Variants in TAS2R1 observed in about 807,000 individuals in gnomAD.
TAS2R1 encodes the protein taste 2 receptor member 1.
For missense variants in TAS2R1, 370 were observed against 353.4 expected (o/e 1.05, Z -0.38); for synonymous variants, 141 against 134.2 (o/e 1.05, Z -0.35).
chr5:9,670,874 T>G (rs1740735881), intron 1 of TAS2R1, among the ~76,000 whole-genome samples: 2 of 152,258 alleles, frequency 1.3e-5, no homozygotes, highest in African/African-American at 4.8e-5. Context: ...TTGATAAACA[T>G]AGGTGCAAAA....
the TAS2R1 span, among the ~76,000 whole-genome samples, chr5:9,903,300 A>C: frequency 1.3e-5 from 2 of 152,224 alleles, no homozygotes; most frequent in Non-Finnish European, 2.9e-5. Flanking sequence ...TTCATTTAAC[A>C]TAATAATCTC....
the TAS2R1 span, among the ~76,000 whole-genome samples, chr5:9,811,647 C>G: frequency 6.6e-6 from 1 of 152,076 alleles, no homozygotes; most frequent in Non-Finnish European, 1.5e-5. Context: ...TCTTCTTCTG[C>G]CTAGAAAATC....
the TAS2R1 span, among the ~76,000 whole-genome samples, chr5:9,861,037 G>GTTTT: frequency 3.4e-5 from 3 of 88,612 alleles, no homozygotes; most frequent in Admixed American, 1.4e-4. Context: ...GGAAGATGAG[G>GTTTT]TTTTTTTTTT....
intron 1 of TAS2R1, among the ~76,000 whole-genome samples, chr5:9,668,473 T>C (rs893285234): frequency 6.6e-6 from 1 of 151,600 alleles, no homozygotes; most frequent in African/African-American, 2.4e-5. Context: ...TCCTCCAAGA[T>C]CAAAATGAAA....
At chr5:9,675,439 A>G (rs1392246638) in intron 1 of TAS2R1, among the ~76,000 whole-genome samples, 5 of 132,066 alleles carry the variant, frequency 3.8e-5, no homozygotes, top group African/African-American at 1.5e-4. Context: ...TTTTTTTGAG[A>G]TGGAGTCTTG....
the TAS2R1 span, among the ~76,000 whole-genome samples, chr5:9,815,475 CCTAT>C: frequency 1.3e-5 from 2 of 152,194 alleles, no homozygotes; most frequent in East Asian, 3.9e-4. Context: ...TAGATAATCT[CCTAT>C]CTTTTTATTT....
the TAS2R1 span, among the ~76,000 whole-genome samples, chr5:9,754,862 A>G: frequency 6.6e-6 from 1 of 152,180 alleles, no homozygotes; most frequent in Non-Finnish European, 1.5e-5. Flanking sequence ...CAAGCTACCA[A>G]TGACTTTCTT....
chr5:9,799,365 G>C, the TAS2R1 span, among the ~76,000 whole-genome samples: 1 of 152,174 alleles, frequency 6.6e-6, no homozygotes, highest in Non-Finnish European at 1.5e-5. Flanking sequence ...AATTTCCTTA[G>C]CAAGGTGAGG....
At chr5:9,668,917 A>G (rs527337627) in intron 1 of TAS2R1, among the ~76,000 whole-genome samples, 5 of 152,304 alleles carry the variant, frequency 3.3e-5, no homozygotes, top group Non-Finnish European at 5.9e-5. Context: ...ACATATCAAT[A>G]TTAACCTTGA....
chr5:9,779,751 A>G, the TAS2R1 span, among the ~76,000 whole-genome samples: 1 of 152,248 alleles, frequency 6.6e-6, no homozygotes. Context: ...GAAACATTGC[A>G]AGAGTTACCA....
At chr5:9,710,627 T>A (rs978929224) in intron 1 of TAS2R1, among the ~76,000 whole-genome samples, 4 of 152,078 alleles carry the variant, frequency 2.6e-5, no homozygotes, top group African/African-American at 7.2e-5. Context: ...ATCATACATC[T>A]GATAAGAGGC....
intron 1 of TAS2R1, among the ~76,000 whole-genome samples, chr5:9,676,200 C>T (rs1375736784): frequency 1.3e-5 from 2 of 152,136 alleles, no homozygotes; most frequent in South Asian, 2.1e-4. Context: ...GGATAAATCC[C>T]ACTTGGTCAT....
chr5:9,642,622 T>C (rs766396925), intron 2 of TAS2R1, among the ~76,000 whole-genome samples: 33 of 152,196 alleles, frequency 2.2e-4, no homozygotes, highest in Non-Finnish European at 4.4e-4. Flanking sequence ...GTCACTTTCA[T>C]ATACTTGTCC....
chr5:9,691,345 T>A (rs1741246684), intron 1 of TAS2R1, among the ~76,000 whole-genome samples: 1 of 152,226 alleles, frequency 6.6e-6, no homozygotes, highest in Non-Finnish European at 1.5e-5. Context: ...ACAGGGAGTG[T>A]GACCCCGCTG....
At chr5:9,664,199 G>A (rs543665000) in intron 1 of TAS2R1, among the ~76,000 whole-genome samples, 7 of 152,208 alleles carry the variant, frequency 4.6e-5, no homozygotes, top group South Asian at 2.1e-4. Flanking sequence ...CCCAACAAGC[G>A]AGCAGGGCCA....
chr5:9,698,558 T>A (rs2126523394), intron 1 of TAS2R1, among the ~76,000 whole-genome samples: 1 of 152,282 alleles, frequency 6.6e-6, no homozygotes, highest in African/African-American at 2.4e-5. Flanking sequence ...TCCCACTGAC[T>A]TTCACTCACA....
the TAS2R1 span, among the ~76,000 whole-genome samples, chr5:9,770,998 T>A: frequency 6.6e-6 from 1 of 152,208 alleles, no homozygotes; most frequent in Non-Finnish European, 1.5e-5. Flanking sequence ...GGCCTCCAGC[T>A]TTTCTCCATT....
chr5:9,723,412 AT>A, the TAS2R1 span, among the ~76,000 whole-genome samples: 1 of 152,154 alleles, frequency 6.6e-6, no homozygotes, highest in Non-Finnish European at 1.5e-5. Flanking sequence ...CCAACAGCAC[AT>A]TTTTATAAAG....
At chr5:9,833,226 T>C in the TAS2R1 span, among the ~76,000 whole-genome samples, 1 of 152,186 alleles carries the variant, frequency 6.6e-6, no homozygotes, top group Non-Finnish European at 1.5e-5. Flanking sequence ...CCTTTGTCCG[T>C]AAGGAATTTT....
Sources: allele counts gnomAD v4.1 joint callset (sites outside exome capture counted in the v4.1 genomes callset), GRCh38; gene constraint gnomAD v4.1.1; transcripts MANE v1.5; gene names NCBI Gene and HGNC (gene_info 2026-07-23, HGNC 2026-07-21).